Variants in ASTN1 observed in about 807,000 individuals in gnomAD.
ASTN1 encodes astrotactin-1.
ASTN1 carries 41 observed loss-of-function variants against 140.7 expected under a neutral mutation model. The observed-to-expected ratio is 0.29, with a 90% CI of 0.23 to 0.38. The LOEUF (loss-of-function observed/expected upper bound fraction) is 0.38. Among genes scored for constraint, ASTN1 ranks in the 10% least tolerant of loss-of-function variants. ASTN1 has a pLI of 1.00. For synonymous variants in ASTN1, 640 were observed against 652.2 expected (o/e 0.98, Z 0.29); for missense variants, 1,479 against 1,678.8 (o/e 0.88, Z 2.08).
chr1:177,140,522 T>G (rs1000596190), intron 1 of ASTN1, among the ~76,000 whole-genome samples: 1 of 152,096 alleles, frequency 6.6e-6, no homozygotes, highest in African/African-American at 2.4e-5. Flanking sequence ...ATAAAGAAAA[T>G]TTTGAAAAAA....
intron 7 of ASTN1, among the ~76,000 whole-genome samples, chr1:177,016,775 TATATTTACAG>T (rs1675566533): frequency 6.6e-6 from 1 of 152,226 alleles, no homozygotes; most frequent in Non-Finnish European, 1.5e-5. Context: ...GGATTTGCCC[TATATTTACAG>T]ATATTTACAC....
intron 21 of ASTN1, among the ~76,000 whole-genome samples, chr1:176,875,809 C>G (rs1668536437): frequency 1.3e-5 from 2 of 152,166 alleles, no homozygotes; most frequent in African/African-American, 2.4e-5. Flanking sequence ...GATAAGATTA[C>G]TTAAATTAGT....
At chr1:177,026,383 C>T (rs1676111515) in intron 5 of ASTN1, among the ~76,000 whole-genome samples, 1 of 152,142 alleles carries the variant, frequency 6.6e-6, no homozygotes, top group Admixed American at 6.5e-5. Flanking sequence ...CTTCCATTGC[C>T]CAGCCAATGG....
At chr1:176,880,632 A>G (rs1668757090) in intron 20 of ASTN1, among the ~76,000 whole-genome samples, 2 of 152,220 alleles carry the variant, frequency 1.3e-5, no homozygotes, top group African/African-American at 4.8e-5. Context: ...AGCATTAAAT[A>G]AAATATAAAA....
At chr1:177,137,860 C>T (rs879818640) in intron 1 of ASTN1, among the ~76,000 whole-genome samples, 101 of 152,284 alleles carry the variant, frequency 6.6e-4, no homozygotes, top group African/African-American at 2.3e-3. Context: ...ACTAAAATAG[C>T]ATCCAGTGTA....
intron 8 of ASTN1, among the ~76,000 whole-genome samples, chr1:176,983,640 G>A (rs554644354): frequency 1.5e-3 from 226 of 152,204 alleles, no homozygotes; most frequent in African/African-American, 5.3e-3. Context: ...GTTGTTTTCT[G>A]TTCTCTTCCC....
Position 176,962,904 on chromosome 1 carries a change from T to C in ASTN1, c.1598+2259A>G, listed in dbSNP as rs962906844. ...TATCTTGGTCATATTTGTTTGGTTA[T>C]ATGTGTAGCATCTGAAACAGTACCT... On this transcript the variant is annotated intron_variant, in intron 9 of 22. Transcript: ENST00000361833. Among the ~76,000 whole-genome samples the C allele has an allele frequency of 3.9e-5, 6 of 152,208 alleles. No homozygotes were observed. The South Asian group carries it at 1.2e-3, about 32-fold the overall frequency.
chr1:176,989,378 A>T (rs1674053261), intron 8 of ASTN1, among the ~76,000 whole-genome samples: 1 of 152,152 alleles, frequency 6.6e-6, no homozygotes, highest in Admixed American at 6.5e-5. Flanking sequence ...GCAAGGAGAT[A>T]TTTTTTCTTC....
intron 16 of ASTN1, among the ~76,000 whole-genome samples, chr1:176,905,202 A>G (rs922821611): frequency 2.0e-5 from 3 of 152,216 alleles, no homozygotes; most frequent in Admixed American, 1.3e-4. Flanking sequence ...TACTTGCCCC[A>G]GCTCCACAGT....
intron 16 of ASTN1, among the ~76,000 whole-genome samples, chr1:176,912,077 A>G (rs1018485842): frequency 6.6e-6 from 1 of 152,224 alleles, no homozygotes; most frequent in African/African-American, 2.4e-5. Context: ...CTTTAATAAA[A>G]TATCAAATAA....
intron 1 of ASTN1, among the ~76,000 whole-genome samples, chr1:177,124,771 T>C (rs1681564452): frequency 1.3e-5 from 2 of 152,186 alleles, no homozygotes; most frequent in Admixed American, 6.5e-5. Context: ...GGGAGTAAGT[T>C]AGCACCACTA....
chr1:176,862,743 C>T lies in ASTN1; in HGVS notation c.*1541G>A, dbSNP rs910958923. The T allele has an allele frequency of 4.0e-5, 37 of 936,066 alleles. No individual in the cohort carries two copies. The highest frequency in any genetic ancestry group is 6.2e-5 in the Admixed American group (1 of 16,190). The allele number at this position is 936,066 out of a possible 1,614,324, so 58.0% of individuals were successfully genotyped here. Reference sequence around the variant, plus strand: ...AGAATAGCACTTTCCTCAGGAGTTGCTGTGAGAATTCAATGATACCTAAAG... The same window carrying T: ...AGAATAGCACTTTCCTCAGGAGTTGTTGTGAGAATTCAATGATACCTAAAG... On this transcript the variant is annotated 3_prime_UTR_variant, in exon 23 of 23. Coordinates refer to ENST00000361833, the MANE Select transcript of ASTN1 (RefSeq NM_004319.3).
intron 8 of ASTN1, among the ~76,000 whole-genome samples, chr1:176,995,120 C>A (rs531587035): frequency 2.0e-5 from 3 of 152,148 alleles, no homozygotes; most frequent in African/African-American, 4.8e-5. Flanking sequence ...GCACACATAA[C>A]CTTATATGCA....
chr1:177,102,551 G>A (rs1344830381), intron 1 of ASTN1, among the ~76,000 whole-genome samples: 1 of 151,546 alleles, frequency 6.6e-6, no homozygotes, highest in East Asian at 1.9e-4. Flanking sequence ...TCCAAATGCA[G>A]GGAAAAAAAA....
At chr1:176,957,057 C>A (rs551336834) in intron 11 of ASTN1, among the ~76,000 whole-genome samples, 1 of 151,910 alleles carries the variant, frequency 6.6e-6, no homozygotes, top group East Asian at 1.9e-4. Context: ...ACTGCCATGC[C>A]CAGCAAATTT....
intron 17 of ASTN1, among the ~76,000 whole-genome samples, chr1:176,893,904 T>C (rs902088088): frequency 6.6e-6 from 1 of 152,202 alleles, no homozygotes; most frequent in African/African-American, 2.4e-5. Flanking sequence ...CCAGCCCTTC[T>C]TTTTGGTTCC....
At chr1:177,102,040 G>T (rs1266549488) in intron 1 of ASTN1, among the ~76,000 whole-genome samples, 12 of 152,166 alleles carry the variant, frequency 7.9e-5, no homozygotes, top group African/African-American at 2.7e-4. Flanking sequence ...TTGATTGCTG[G>T]CAGTCTGCAG....
rs1356001074 is a variant in ASTN1 at position 176,862,217 on chromosome 1, A to G, written c.*2067T>C. 31 of 985,322 alleles carry G rather than the reference A, an allele frequency of 3.1e-5. No individual in the cohort carries two copies. The highest frequency in any genetic ancestry group is 3.6e-5 in the Non-Finnish European group (30 of 829,956). The allele number at this position is 985,322 out of a possible 1,614,324, so 61.0% of individuals were successfully genotyped here. A position where few individuals can be genotyped will look rare whatever the true frequency, so the allele number is the denominator to read the frequency against. ...TTTTTCTGCTGATCTTTGCTTTGAA[A>G]GTAGGGGAATCTCTGAGGCAGGTGC... On this transcript the variant is annotated 3_prime_UTR_variant, in exon 23 of 23. Transcript: ENST00000361833.
At chr1:177,162,179 A>G (rs1647416797) in intron 1 of ASTN1, among the ~76,000 whole-genome samples, 1 of 152,200 alleles carries the variant, frequency 6.6e-6, no homozygotes, top group Non-Finnish European at 1.5e-5. Context: ...AGTTAAATTC[A>G]AAACTACCTT....
Sources: allele counts gnomAD v4.1 joint callset (sites outside exome capture counted in the v4.1 genomes callset), GRCh38; gene constraint gnomAD v4.1.1; transcripts MANE v1.5; gene names NCBI Gene and HGNC (gene_info 2026-07-23, HGNC 2026-07-21).